BLTP3B: variants seen among roughly 807,000 people sequenced by gnomAD.
The protein encoded by BLTP3B is bridge-like lipid transfer protein family member 3B.
At chr12:100,133,052 G>GCTAA in the BLTP3B span, among the ~76,000 whole-genome samples, 1 of 152,062 alleles carries the variant, frequency 6.6e-6, no homozygotes, top group Non-Finnish European at 1.5e-5. Flanking sequence ...GACCATCCTG[G>GCTAA]CTAACACGGT....
the BLTP3B span, among the ~76,000 whole-genome samples, chr12:100,108,984 A>G: frequency 6.6e-6 from 1 of 152,156 alleles, no homozygotes. Flanking sequence ...GAATGAATAC[A>G]ATACTGATAT....
At chr12:100,076,304 T>C in the BLTP3B span, among the ~76,000 whole-genome samples, 11 of 151,764 alleles carry the variant, frequency 7.2e-5, no homozygotes, top group African/African-American at 2.4e-4. Context: ...CATCATTCAA[T>C]AGACGTGTAT....
At chr12:100,043,466 C>G in the BLTP3B span, among the ~76,000 whole-genome samples, 9 of 152,202 alleles carry the variant, frequency 5.9e-5, no homozygotes, top group African/African-American at 2.2e-4. Context: ...TCTACTCAAT[C>G]AGCTAGAGAG....
the BLTP3B span, among the ~76,000 whole-genome samples, chr12:100,069,576 A>C: frequency 6.6e-6 from 1 of 152,156 alleles, no homozygotes; most frequent in Non-Finnish European, 1.5e-5. Context: ...ATGAGACTGG[A>C]GACTATTATT....
chr12:100,107,355 T>C, the BLTP3B span, among the ~76,000 whole-genome samples: 1 of 143,560 alleles, frequency 7.0e-6, no homozygotes, highest in Non-Finnish European at 1.5e-5. Flanking sequence ...ATAATAGGAA[T>C]GATACTAACA....
At chr12:100,093,333 T>C in the BLTP3B span, among the ~76,000 whole-genome samples, 2 of 152,148 alleles carry the variant, frequency 1.3e-5, no homozygotes, top group Admixed American at 6.5e-5. Flanking sequence ...AATAGACAGA[T>C]TGGAAGGAAA....
At chr12:100,109,802 G>GT in the BLTP3B span, among the ~76,000 whole-genome samples, 1 of 151,104 alleles carries the variant, frequency 6.6e-6, no homozygotes, top group Non-Finnish European at 1.5e-5. Flanking sequence ...AATAGTTAAT[G>GT]TAAGAGTGAG....
At chr12:100,089,225 AT>A in the BLTP3B span, 5 of 766,832 alleles carry the variant, frequency 6.5e-6, no homozygotes, top group Non-Finnish European at 9.4e-6. Context: ...TCAATAATAT[AT>A]TTTCCCTAAA....
At chr12:100,049,493 T>C in the BLTP3B span, among the ~76,000 whole-genome samples, 1 of 152,166 alleles carries the variant, frequency 6.6e-6, no homozygotes, top group South Asian at 2.1e-4. Flanking sequence ...TGTGTATTTA[T>C]TTACACCAAG....
chr12:100,097,542 G>C, the BLTP3B span: 40 of 1,547,330 alleles, frequency 2.6e-5, no homozygotes, highest in Non-Finnish European at 3.5e-5. Context: ...ACTTACTCAT[G>C]CAAAACAGAA....
the BLTP3B span, among the ~76,000 whole-genome samples, chr12:100,111,266 T>G: frequency 2.1e-5 from 3 of 145,400 alleles, no homozygotes; most frequent in Non-Finnish European, 3.0e-5. Context: ...CTATGGCTGG[T>G]GGGGTTTTAG....
chr12:100,071,110 C>T, the BLTP3B span, among the ~76,000 whole-genome samples: 2 of 152,142 alleles, frequency 1.3e-5, no homozygotes, highest in Non-Finnish European at 2.9e-5. Context: ...CCTCTGATAA[C>T]AAAACCTATT....
At chr12:100,067,708 A>C in the BLTP3B span, among the ~76,000 whole-genome samples, 1 of 152,088 alleles carries the variant, frequency 6.6e-6, no homozygotes. Context: ...AATTACCAAC[A>C]AAAAAAAGTC....
chr12:100,125,498 A>T, the BLTP3B span, among the ~76,000 whole-genome samples: 2 of 152,050 alleles, frequency 1.3e-5, no homozygotes, highest in South Asian at 4.1e-4. Flanking sequence ...AAAAAATAAA[A>T]CATTAGCCGA....
At chr12:100,079,229 GGTT>G in the BLTP3B span, among the ~76,000 whole-genome samples, 19 of 152,332 alleles carry the variant, frequency 1.2e-4, no homozygotes, top group African/African-American at 4.6e-4. Flanking sequence ...AACAGGCAGA[GGTT>G]GGAACAGTTT....
At chr12:100,105,456 A>G in the BLTP3B span, among the ~76,000 whole-genome samples, 1 of 152,210 alleles carries the variant, frequency 6.6e-6, no homozygotes, top group Non-Finnish European at 1.5e-5. Flanking sequence ...CACCATATTC[A>G]ATAAATGGTG....
chr12:100,102,815 G>A, the BLTP3B span: 1 of 1,608,126 alleles, frequency 6.2e-7, no homozygotes, highest in South Asian at 1.1e-5. Flanking sequence ...GGGCTTCTTG[G>A]TTCTTCACAT....
the BLTP3B span, among the ~76,000 whole-genome samples, chr12:100,121,197 A>T: frequency 1.3e-5 from 2 of 151,714 alleles, no homozygotes; most frequent in South Asian, 4.2e-4. Flanking sequence ...AAAATACAGA[A>T]TTTTTAGTGG....
chr12:100,053,208 C>A, the BLTP3B span, among the ~76,000 whole-genome samples: 1 of 151,800 alleles, frequency 6.6e-6, no homozygotes, highest in Non-Finnish European at 1.5e-5. Context: ...AGTTCGAGAC[C>A]AGCCTGGCCA....
Sources: allele counts gnomAD v4.1 joint callset (sites outside exome capture counted in the v4.1 genomes callset), GRCh38; gene constraint gnomAD v4.1.1; transcripts MANE v1.5; gene names NCBI Gene and HGNC (gene_info 2026-07-23, HGNC 2026-07-21).